The following UGT1A6 variants were observed in gnomAD, a reference collection of about 807,000 sequenced individuals.
UGT1A6 encodes the protein UDP-glucuronosyltransferase 1A6.
UGT1A6 carries 32 observed loss-of-function variants against 44.4 expected under a neutral mutation model. The observed-to-expected ratio is 0.72, with a 90% CI of 0.54 to 0.97. The LOEUF (loss-of-function observed/expected upper bound fraction) is 0.97, where lower values mean the gene tolerates loss of function less well. Ranked by LOEUF, UGT1A6 falls within the 50% of genes least tolerant of loss-of-function variation. The probability of loss-of-function intolerance (pLI) is 0.00; values close to 1 mark genes in which losing one functional copy is unlikely to be tolerated. For missense variants in UGT1A6, 685 were observed against 661.9 expected, an observed-to-expected ratio of 1.03 and a Z score of -0.38; for synonymous variants, 238 against 248.5, an observed-to-expected ratio of 0.96 and a Z score of 0.40.
chr2:233,699,825 A>T (rs556434145), intron 1 of UGT1A6, among the ~76,000 whole-genome samples: 2 of 152,202 alleles, frequency 1.3e-5, no homozygotes, highest in Non-Finnish European at 2.9e-5. Flanking sequence ...GTAGTTCTCA[A>T]ATAGAACTAA....
chr2:233,722,763 C>A (rs370007116), intron 1 of UGT1A6, among the ~76,000 whole-genome samples: 2 of 151,548 alleles, frequency 1.3e-5, no homozygotes, highest in African/African-American at 4.9e-5. Context: ...AAGGCTGTTA[C>A]CTAATTCTGA....
intron 1 of UGT1A6, among the ~76,000 whole-genome samples, chr2:233,757,306 A>AG (rs1394181032): frequency 1.3e-4 from 1 of 7,676 alleles, no homozygotes. Flanking sequence ...GTTGGGGGAC[A>AG]GGGGGGCTGG....
chr2:233,772,440 C>T lies in UGT1A6; in HGVS notation c.1480C>T (p.Leu494Phe). 3 of 1,614,194 alleles carry T rather than the reference C, an allele frequency of 1.9e-6. No individual in the cohort carries two copies. Among genetic ancestry groups the T allele is most frequent in the South Asian group, 2.2e-5 (2 of 91,088 alleles). ...CCATTCCTTGGACGTGATTGGTTTC[C>T]TCTTGGCCGTCGTGCTGACAGTGGC... ...QYHSLDVIGF[L>F]LAVVLTVAFI... is the part of the protein sequence containing the mutation. Residue 494 changes from leucine to phenylalanine, a missense_variant, in exon 5 of 5, where the codon CTC becomes TTC. Transcript: ENST00000305139.
chr2:233,742,187 T>C (rs1222012663), intron 1 of UGT1A6, among the ~76,000 whole-genome samples: 1 of 151,602 alleles, frequency 6.6e-6, no homozygotes, highest in East Asian at 1.9e-4. Context: ...GAGTGTGGAG[T>C]GGGAAATCAG....
At chr2:233,703,336 CTT>C (rs2075733566) in intron 1 of UGT1A6, among the ~76,000 whole-genome samples, 1 of 151,932 alleles carries the variant, frequency 6.6e-6, no homozygotes, top group South Asian at 2.1e-4. Flanking sequence ...AGTCTTCTCT[CTT>C]TTTTCTTTGT....
At position 233,719,386 on chromosome 2, in the gene UGT1A6, A is replaced by G. The variant is rs141300284; in HGVS notation, c.861+25521A>G. The G allele has an allele frequency of 2.9e-5, 47 of 1,613,822 alleles. No homozygotes were observed. In the African/African-American group the frequency reaches 4.3e-4, roughly 15 times the overall value. ...GACTTTAAGGGCACACAGTGTCCAA[A>G]TCCTTCCTCCTATATTCCTAAGTTA... is the stretch of plus-strand genomic sequence containing the variant. On this transcript the variant is annotated intron_variant, in intron 1 of 4. Transcript: ENST00000305139.
intron 1 of UGT1A6, chr2:233,717,747 C>G (rs1435136847): frequency 4.4e-6 from 2 of 456,422 alleles, no homozygotes; most frequent in Non-Finnish European, 8.8e-6. Flanking sequence ...CTCAGGGTCT[C>G]CCCCTAGAAA....
rs528683999 is a variant in UGT1A6 at position 233,722,200 on chromosome 2, G to A, written c.861+28335G>A. 2 of 154,324 alleles carry A rather than the reference G, an allele frequency of 1.3e-5. 1 individual carries two copies. Among genetic ancestry groups the A allele is most frequent in the African/African-American group, 4.8e-5 (2 of 41,610 alleles). The allele number at this position is 154,324 out of a possible 1,614,324, so 9.6% of individuals were successfully genotyped here. A position where few individuals can be genotyped will look rare whatever the true frequency, so the allele number is the denominator to read the frequency against. ...CCATGTTCGTGCCAATTTACTGAGT[G>A]CATGAAAGATCATTTACACCAAAAT... On this transcript the variant is annotated intron_variant, in intron 1 of 4. Coordinates refer to ENST00000305139, the MANE Select transcript of UGT1A6 (RefSeq NM_001072.4).
Position 233,769,607 on chromosome 2 carries a change from C to T in UGT1A6, c.1301+1168C>T. On this transcript the variant is annotated intron_variant, in intron 4 of 4. Transcript: ENST00000305139. The surrounding 1 kb of genome is among the most constrained non-coding windows in gnomAD (Gnocchi z 4.4). ...TGAGAGGAGACGGAACACGGGGACA[C>T]ACCAGCTTGAGCAAGGGACAACAGG... 6.2e-7 allele frequency: 1 copy of T among 1,612,808 alleles called. No individual in the cohort carries two copies. The highest frequency in any genetic ancestry group is 1.1e-5 in the South Asian group (1 of 91,046).
At chr2:233,764,440 T>C (rs763083993) in intron 1 of UGT1A6, among the ~76,000 whole-genome samples, 3 of 152,220 alleles carry the variant, frequency 2.0e-5, no homozygotes, top group Non-Finnish European at 2.9e-5. Context: ...TGAACTTTTG[T>C]GCCATTTAAA....
At chr2:233,697,382 C>T (rs576473887) in intron 1 of UGT1A6, among the ~76,000 whole-genome samples, 21 of 152,142 alleles carry the variant, frequency 1.4e-4, no homozygotes, top group African/African-American at 4.1e-4. Context: ...TCACAATAAT[C>T]GCTAATGATC....
chr2:233,763,286 C>G (rs1023575822), intron 1 of UGT1A6, among the ~76,000 whole-genome samples: 3 of 152,120 alleles, frequency 2.0e-5, no homozygotes, highest in Non-Finnish European at 2.9e-5. Context: ...ATCTGAAATT[C>G]CACTTTTTGG....
chr2:233,733,189 C>T (rs2078364598), intron 1 of UGT1A6, among the ~76,000 whole-genome samples: 1 of 152,198 alleles, frequency 6.6e-6, no homozygotes, highest in African/African-American at 2.4e-5. Context: ...AGTTGCTTAT[C>T]AGCTTAAGGA....
chr2:233,755,295 G>A (rs566293280), intron 1 of UGT1A6: 4 of 631,344 alleles, frequency 6.3e-6, no homozygotes, highest in African/African-American at 3.8e-5. Context: ...AGCCTGCGGG[G>A]CACTGGCACA....
chr2:233,729,230 C>T, intron 1 of UGT1A6: 2 of 1,614,168 alleles, frequency 1.2e-6, no homozygotes, highest in Non-Finnish European at 1.7e-6. Context: ...TTGGTGGTGC[C>T]CATTGATGGC....
At chr2:233,713,722 C>A in intron 1 of UGT1A6, 1 of 1,613,948 alleles carries the variant, frequency 6.2e-7, no homozygotes, top group Non-Finnish European at 8.5e-7. Flanking sequence ...AGAGAGGTGT[C>A]AGTGGTGGAT....
chr2:233,744,651 A>T lies in UGT1A6; in HGVS notation c.862-22383A>T, dbSNP rs887119274. Among the ~76,000 whole-genome samples, 395 of 152,016 alleles carry T rather than the reference A, an allele frequency of 2.6e-3. 3 individuals are homozygous for T. Among genetic ancestry groups the T allele is most frequent in the Middle Eastern group, 6.8e-3 (2 of 294 alleles). On this transcript the variant is annotated intron_variant, in intron 1 of 4. Transcript: ENST00000305139. The stretch of plus-strand genomic sequence containing the variant: ...GATTCTCATGTCAGCTTCTGTATTC[A>T]ATCTACTGTGATATTACACATCACC...
chr2:233,703,167 A>G (rs888972017), intron 1 of UGT1A6, among the ~76,000 whole-genome samples: 40 of 152,060 alleles, frequency 2.6e-4, no homozygotes, highest in African/African-American at 9.2e-4. Context: ...TCTTGATTCA[A>G]TTTCAGTAGT....
intron 1 of UGT1A6, chr2:233,754,615 C>G (rs1360410521): frequency 2.3e-6 from 1 of 438,040 alleles, no homozygotes; most frequent in Non-Finnish European, 4.6e-6. Context: ...TCTCCATCTT[C>G]CTCCACTTCC....
Sources: gnomAD v4.1 joint callset for allele counts (sites outside exome capture counted in the v4.1 genomes callset) on GRCh38, gnomAD v4.1.1 for gene constraint, Gnocchi (gnomAD v3.1) non-coding constraint, MANE v1.5 for transcripts, NCBI Gene and HGNC (gene_info 2026-07-23, HGNC 2026-07-21) for gene names.